Variants in CADM2 observed in about 807,000 individuals in gnomAD.
CADM2 encodes cell adhesion molecule 2.
CADM2 carries 12 observed loss-of-function variants against 49.8 expected under a neutral mutation model. That is an observed-to-expected ratio of 0.24 (90% CI 0.15 to 0.39). The LOEUF (loss-of-function observed/expected upper bound fraction) is 0.39. CADM2 is among the 10% of genes least tolerant of loss of function. The pLI, the probability that CADM2 is intolerant of heterozygous loss-of-function variation, is 1.00. For missense variants in CADM2, 378 were observed against 492.3 expected (o/e 0.77, Z 2.20); for synonymous variants, 214 against 175.4 (o/e 1.22, Z -1.74).
intron 1 of CADM2, among the ~76,000 whole-genome samples, chr3:85,260,026 C>G (rs745800455): frequency 1.3e-5 from 2 of 151,964 alleles, no homozygotes. Flanking sequence ...GTTAGTTTGC[C>G]TCTTCAAGAG....
At position 85,572,490 on chromosome 3, in the gene CADM2, G is replaced by A. The variant is rs143931309; in HGVS notation, c.62-154032G>A. Among the ~76,000 whole-genome samples the A allele has an allele frequency of 2.0e-3, 307 of 152,214 alleles. 2 individuals are homozygous for A. The highest frequency in any genetic ancestry group is 5.6e-3 in the African/African-American group (232 of 41,538). ...CAGAGAGAGGGGAGACGGGGAAGAG[G>A]TAACTTATTAGGGAAATTGGCGTGC... is the stretch of plus-strand genomic sequence containing the variant. On this transcript the variant is annotated intron_variant, in intron 1 of 9. Transcript: ENST00000383699.
chr3:85,147,014 T>G (rs1269317006), intron 1 of CADM2, among the ~76,000 whole-genome samples: 2 of 151,904 alleles, frequency 1.3e-5, no homozygotes, highest in South Asian at 4.1e-4. Flanking sequence ...GGCTCACGCC[T>G]GTAACCCCAG....
chr3:85,844,988 C>T (rs77475879), intron 3 of CADM2, among the ~76,000 whole-genome samples: 7,786 of 149,588 alleles, frequency 0.052, 561 homozygotes, highest in African/African-American at 0.16. Flanking sequence ...CCTATCTTTA[C>T]AAAAATGAAA....
intron 3 of CADM2, among the ~76,000 whole-genome samples, chr3:85,818,850 G>T (rs2073381548): frequency 6.8e-6 from 1 of 146,426 alleles, no homozygotes. Flanking sequence ...AACAGAGAAA[G>T]AATGTATATT....
intron 1 of CADM2, among the ~76,000 whole-genome samples, chr3:85,307,814 T>A (rs1158027450): frequency 6.6e-6 from 1 of 151,702 alleles, no homozygotes; most frequent in Non-Finnish European, 1.5e-5. Flanking sequence ...ATTTTTAAAA[T>A]TTAAGATACA....
At chr3:85,961,725 G>A in intron 8 of CADM2, 78 bp downstream of exon 8, 21 of 1,073,004 alleles carry the variant, frequency 2.0e-5, no homozygotes, top group Non-Finnish European at 2.7e-5. Flanking sequence ...AGAATTTTAA[G>A]TGCAGTGAAC....
At chr3:85,345,565 A>G (rs1440266177) in intron 1 of CADM2, among the ~76,000 whole-genome samples, 1 of 152,068 alleles carries the variant, frequency 6.6e-6, no homozygotes, top group Admixed American at 6.6e-5. Flanking sequence ...CAAAAAACCA[A>G]TATTGTGGAA....
chr3:85,086,411 G>T (rs1049500795), intron 1 of CADM2, among the ~76,000 whole-genome samples: 13 of 151,406 alleles, frequency 8.6e-5, no homozygotes, highest in Admixed American at 5.3e-4. Context: ...AGAAGACTAG[G>T]CATTTGCTTT....
At chr3:85,974,312 G>A (rs542754168) in intron 8 of CADM2, among the ~76,000 whole-genome samples, 1 of 151,722 alleles carries the variant, frequency 6.6e-6, no homozygotes, top group South Asian at 2.1e-4. Flanking sequence ...AGAACAGGAA[G>A]AGCTATGTCT....
chr3:85,768,593 C>G (rs2069802833), intron 2 of CADM2, among the ~76,000 whole-genome samples: 1 of 148,482 alleles, frequency 6.7e-6, no homozygotes. Context: ...AAAACTCTAA[C>G]ATTCATAGTA....
chr3:85,488,096 A>G (rs969423461), intron 1 of CADM2, among the ~76,000 whole-genome samples: 17 of 152,236 alleles, frequency 1.1e-4, no homozygotes, highest in Non-Finnish European at 2.4e-4. Flanking sequence ...ATAGAATTTT[A>G]TCTCAAAGTA....
rs527866473 is a variant in CADM2 at position 86,016,413 on chromosome 3, A to G, written c.971-49192A>G. 2.0e-3 allele frequency among the ~76,000 whole-genome samples: 299 copies of G among 152,340 alleles called. 1 individual carries two copies. Among genetic ancestry groups the G allele is most frequent in the African/African-American group, 6.5e-3 (272 of 41,588 alleles). On this transcript the variant is annotated intron_variant, in intron 8 of 9. Transcript: ENST00000383699. ...AGAGAATAAGAGAAAATTGTGCAAC[A>G]TATTTTCTAACTTTGCTGAAATTAT...
chr3:85,214,089 G>A (rs1237769259), intron 1 of CADM2, among the ~76,000 whole-genome samples: 1 of 152,092 alleles, frequency 6.6e-6, no homozygotes, highest in East Asian at 1.9e-4. Context: ...CCACATATTC[G>A]AAGGGACTCA....
intron 1 of CADM2, among the ~76,000 whole-genome samples, chr3:85,095,256 A>G (rs558662184): frequency 5.1e-4 from 78 of 152,198 alleles, no homozygotes; most frequent in Non-Finnish European, 1.0e-3. Flanking sequence ...CGCAGTCATT[A>G]GAAAAGCAAT....
At chr3:85,013,728 TG>T (rs752073478) in intron 1 of CADM2, among the ~76,000 whole-genome samples, 3 of 150,098 alleles carry the variant, frequency 2.0e-5, no homozygotes, top group Admixed American at 6.7e-5. Flanking sequence ...CCTTGTCCCA[TG>T]GTTTCAGTTA....
At chr3:84,983,772 A>T (rs1038476811) in intron 1 of CADM2, among the ~76,000 whole-genome samples, 1 of 152,162 alleles carries the variant, frequency 6.6e-6, no homozygotes, top group African/African-American at 2.4e-5. Flanking sequence ...TTTCTGTCAA[A>T]CATCAGCTTT....
At chr3:86,026,266 TA>T (rs560653724) in intron 8 of CADM2, among the ~76,000 whole-genome samples, 48 of 152,254 alleles carry the variant, frequency 3.2e-4, no homozygotes, top group Admixed American at 7.9e-4. Flanking sequence ...AAGATGGTAC[TA>T]GGGGAGAACT....
chr3:85,153,816 C>T (rs1038174315), intron 1 of CADM2, among the ~76,000 whole-genome samples: 3 of 152,162 alleles, frequency 2.0e-5, no homozygotes, highest in Non-Finnish European at 4.4e-5. Context: ...GAGGCACCCC[C>T]CAGCAGGGGC....
intron 1 of CADM2, among the ~76,000 whole-genome samples, chr3:85,310,231 T>C (rs994688687): frequency 4.6e-5 from 7 of 152,232 alleles, no homozygotes; most frequent in African/African-American, 1.4e-4. Flanking sequence ...AATATTTGCA[T>C]GTGAAAAGAT....
Sources: gnomAD v4.1 joint callset for allele counts (sites outside exome capture counted in the v4.1 genomes callset) on GRCh38, gnomAD v4.1.1 for gene constraint, MANE v1.5 for transcripts, NCBI Gene and HGNC (gene_info 2026-07-23, HGNC 2026-07-21) for gene names.